The following TYW1 variants were observed in gnomAD, a reference collection of about 807,000 sequenced individuals.
The protein encoded by TYW1 is tRNA-yW synthesizing protein 1 homolog.
In TYW1, 46 loss-of-function variants were observed where a neutral mutation model predicts 96.2. That is an observed-to-expected ratio of 0.48 (90% CI 0.38 to 0.61). TYW1 has a LOEUF of 0.61. Among genes scored for constraint, TYW1 ranks in the 20% least tolerant of loss-of-function variants. The pLI is 0.00. For synonymous variants in TYW1, 274 were observed against 323.0 expected, an observed-to-expected ratio of 0.85 and a Z score of 1.63; for missense variants, 684 against 909.6, an observed-to-expected ratio of 0.75 and a Z score of 3.19.
chr7:67,237,918 C>G (rs1040841896), intron 15 of TYW1, among the ~76,000 whole-genome samples: 3 of 152,068 alleles, frequency 2.0e-5, no homozygotes, highest in Non-Finnish European at 2.9e-5. Context: ...AAGGATTCCA[C>G]GAGGTGCTGT....
chr7:67,122,507 A>G (rs1237679428), intron 13 of TYW1, among the ~76,000 whole-genome samples: 1 of 152,260 alleles, frequency 6.6e-6, no homozygotes, highest in Non-Finnish European at 1.5e-5. Context: ...CAAAGAAGCA[A>G]GGAAAGAAAT....
At chr7:67,203,012 A>T (rs1486576630) in intron 15 of TYW1, among the ~76,000 whole-genome samples, 2 of 152,242 alleles carry the variant, frequency 1.3e-5, no homozygotes, top group African/African-American at 4.8e-5. Context: ...AAATGCATTC[A>T]CATGTGTGTG....
At chr7:67,108,897 A>G (rs1797317958) in intron 12 of TYW1, among the ~76,000 whole-genome samples, 1 of 152,222 alleles carries the variant, frequency 6.6e-6, no homozygotes, top group Non-Finnish European at 1.5e-5. Context: ...CAATACCAAG[A>G]GATAATTAGA....
At chr7:67,078,787 G>T (rs1468634105) in intron 10 of TYW1, among the ~76,000 whole-genome samples, 2 of 152,056 alleles carry the variant, frequency 1.3e-5, no homozygotes, top group African/African-American at 4.8e-5. Context: ...CCACCTCCTG[G>T]GTTCAAGCGA....
chr7:67,175,054 T>G, intron 13 of TYW1, among the ~76,000 whole-genome samples: 1 of 152,024 alleles, frequency 6.6e-6, no homozygotes, highest in Non-Finnish European at 1.5e-5. Context: ...GATGATTTCA[T>G]CGTTGAATTA....
At chr7:67,162,313 C>CAA (rs60661089) in intron 13 of TYW1, among the ~76,000 whole-genome samples, 11,843 of 101,108 alleles carry the variant, frequency 0.12, 980 homozygotes, top group East Asian at 0.29. Context: ...GACTCTGTCT[C>CAA]AAAAAAAAAA....
intron 13 of TYW1, among the ~76,000 whole-genome samples, chr7:67,134,409 G>A (rs1423224412): frequency 7.2e-6 from 1 of 139,406 alleles, no homozygotes; most frequent in East Asian, 1.9e-4. Context: ...CTGGCATGGT[G>A]GCAGGCGCCT....
intron 9 of TYW1, among the ~76,000 whole-genome samples, chr7:67,062,361 A>C (rs1352793201): frequency 5.3e-5 from 8 of 151,868 alleles, no homozygotes; most frequent in Non-Finnish European, 1.2e-4. Flanking sequence ...GTGAGCCAAG[A>C]TTGCACCACT....
At chr7:67,074,989 T>C (rs1450985296) in intron 10 of TYW1, among the ~76,000 whole-genome samples, 1 of 152,198 alleles carries the variant, frequency 6.6e-6, no homozygotes, top group African/African-American at 2.4e-5. Context: ...CCATGCCAGC[T>C]GATTTTTGTA....
At chr7:67,042,018 GAATTATAT>G (rs1309495722) in intron 7 of TYW1, among the ~76,000 whole-genome samples, 1 of 138,926 alleles carries the variant, frequency 7.2e-6, no homozygotes, top group African/African-American at 2.7e-5. Flanking sequence ...AATTATATTA[GAATTATAT>G]AATTATATTA....
chr7:67,029,437 A>ATGTGT (rs746024597), intron 7 of TYW1, among the ~76,000 whole-genome samples: 1 of 146,556 alleles, frequency 6.8e-6, no homozygotes. Flanking sequence ...ATATATAAAT[A>ATGTGT]GTATTTTCTA....
intron 7 of TYW1, among the ~76,000 whole-genome samples, chr7:67,036,526 T>C (rs1362589135): frequency 6.6e-6 from 1 of 152,016 alleles, no homozygotes; most frequent in Non-Finnish European, 1.5e-5. Flanking sequence ...ACCCATAAAG[T>C]GAGGACATTC....
chr7:67,121,495 C>T (rs62468385), intron 13 of TYW1, among the ~76,000 whole-genome samples: 6,070 of 152,228 alleles, frequency 0.04, 177 homozygotes, highest in Middle Eastern at 0.1. Flanking sequence ...GAGCCGAGAT[C>T]GCACCATTGC....
At chr7:67,000,488 G>A (rs56767271) in intron 3 of TYW1, among the ~76,000 whole-genome samples, 29 of 151,832 alleles carry the variant, frequency 1.9e-4, no homozygotes, top group African/African-American at 6.5e-4. Flanking sequence ...TAGTAGAGAC[G>A]AGGTTTCACC....
At chr7:67,045,426 C>G (rs1362894521) in intron 7 of TYW1, among the ~76,000 whole-genome samples, 1 of 151,992 alleles carries the variant, frequency 6.6e-6, no homozygotes, top group Non-Finnish European at 1.5e-5. Flanking sequence ...CTATGTTGCC[C>G]AGGCTGGTTT....
At chr7:67,062,958 A>G (rs1795743773) in intron 9 of TYW1, among the ~76,000 whole-genome samples, 2 of 152,356 alleles carry the variant, frequency 1.3e-5, no homozygotes, top group South Asian at 2.1e-4. Context: ...TATGAGGCCA[A>G]TAGTAACCCG....
At chr7:67,117,708 G>C (rs1281770122) in intron 13 of TYW1, 90 bp downstream of exon 13, 11 of 1,326,744 alleles carry the variant, frequency 8.3e-6, no homozygotes, top group Non-Finnish European at 9.8e-7. Flanking sequence ...AAAGAACAGA[G>C]GTACTTTTTC....
At chr7:67,038,816 A>G (rs999204010) in intron 7 of TYW1, among the ~76,000 whole-genome samples, 14 of 151,892 alleles carry the variant, frequency 9.2e-5, no homozygotes, top group Non-Finnish European at 1.9e-4. Context: ...AGACAGGAGA[A>G]TCGCTTGAAC....
chr7:67,203,572 T>C (rs1420324028), intron 15 of TYW1, among the ~76,000 whole-genome samples: 1 of 152,232 alleles, frequency 6.6e-6, no homozygotes, highest in Non-Finnish European at 1.5e-5. Flanking sequence ...CTCTTTTCCC[T>C]CCCTTACTTA....
Sources: gnomAD v4.1 joint callset for allele counts (sites outside exome capture counted in the v4.1 genomes callset) on GRCh38, gnomAD v4.1.1 for gene constraint, MANE v1.5 for transcripts, NCBI Gene and HGNC (gene_info 2026-07-23, HGNC 2026-07-21) for gene names.